RSU1: variants seen among roughly 807,000 people sequenced by gnomAD.
The protein encoded by RSU1 is Ras suppressor protein 1.
In RSU1, 26 loss-of-function variants were observed where a neutral mutation model predicts 31.1. The ratio of observed to expected loss-of-function variants is 0.84; its 90% confidence interval spans 0.61 to 1.16. The LOEUF (loss-of-function observed/expected upper bound fraction) is 1.16. Among genes scored for constraint, RSU1 ranks in the 50% most tolerant of loss-of-function variants. RSU1 has a pLI of 0.00. For missense variants in RSU1, 320 were observed against 339.1 expected, an observed-to-expected ratio of 0.94 and a Z score of 0.44; for synonymous variants, 164 against 136.3, an observed-to-expected ratio of 1.20 and a Z score of -1.41.
intron 3 of RSU1, among the ~76,000 whole-genome samples, chr10:16,776,794 T>C (rs539622871): frequency 6.9e-6 from 1 of 144,894 alleles, no homozygotes; most frequent in South Asian, 2.1e-4. Context: ...TCAACACACA[T>C]GGGTCACAAA....
At chr10:16,683,905 T>G (rs958399654) in intron 8 of RSU1, among the ~76,000 whole-genome samples, 5 of 152,240 alleles carry the variant, frequency 3.3e-5, no homozygotes, top group African/African-American at 1.2e-4. Flanking sequence ...TAGGTAAATT[T>G]AAACATTTTC....
At chr10:16,727,131 G>A (rs1836414582) in intron 7 of RSU1, 1 of 456,558 alleles carries the variant, frequency 2.2e-6, no homozygotes, top group Non-Finnish European at 4.4e-6. Context: ...CTACCACAAG[G>A]GAACAGGATG....
chr10:16,800,586 A>C (rs1838133532), intron 2 of RSU1, among the ~76,000 whole-genome samples: 1 of 152,246 alleles, frequency 6.6e-6, no homozygotes, highest in African/African-American at 2.4e-5. Context: ...ATATCTAAGA[A>C]CAATGGGATA....
chr10:16,731,824 A>G (rs1186635413), intron 7 of RSU1, among the ~76,000 whole-genome samples: 1 of 148,650 alleles, frequency 6.7e-6, no homozygotes, highest in Non-Finnish European at 1.5e-5. Context: ...TTTTTTTTCT[A>G]CTGAGGTATA....
At chr10:16,629,931 T>C (rs553565014) in intron 8 of RSU1, among the ~76,000 whole-genome samples, 4 of 152,300 alleles carry the variant, frequency 2.6e-5, no homozygotes, top group African/African-American at 9.6e-5. Flanking sequence ...TTTATACTGT[T>C]ATAACAGCCA....
rs1393352963 is a variant in RSU1, at chr10:16,808,483, AAG to A, written c.109+8488_109+8489del. ...GGGCAACAAGAGTGAAACTCCATTT[AAG>A]AAAAAAAAAAAAAAAAAAAAACAAA... is the stretch of plus-strand genomic sequence containing the variant. On this transcript the variant is annotated intron_variant, in intron 2 of 8. Transcript: ENST00000345264. Among the ~76,000 whole-genome samples the A allele has an allele frequency of 3.8e-4, 38 of 100,402 alleles. No individual in the cohort carries two copies. The South Asian group carries it at 0.012, about 31-fold the overall frequency. The allele number at this position is 100,402 out of a possible 152,430, so 65.9% of individuals were successfully genotyped here.
chr10:16,753,608 C>T (rs527917119), intron 5 of RSU1, among the ~76,000 whole-genome samples: 1 of 152,128 alleles, frequency 6.6e-6, no homozygotes, highest in African/African-American at 2.4e-5. Flanking sequence ...ATGAAGTTAA[C>T]AGAGTAAATC....
chr10:16,762,048 C>T (rs1293264692), intron 4 of RSU1, among the ~76,000 whole-genome samples: 1 of 152,052 alleles, frequency 6.6e-6, no homozygotes, highest in African/African-American at 2.4e-5. Flanking sequence ...CCACAACCGC[C>T]AGCATATCTG....
chr10:16,691,677 G>T (rs1835553603), intron 8 of RSU1, among the ~76,000 whole-genome samples: 1 of 149,788 alleles, frequency 6.7e-6, no homozygotes, highest in African/African-American at 2.5e-5. Flanking sequence ...TGGTCCCCGT[G>T]GAAAGGAGGC....
chr10:16,714,014 G>C (rs898550547), intron 7 of RSU1, among the ~76,000 whole-genome samples: 1 of 152,174 alleles, frequency 6.6e-6, no homozygotes, highest in Admixed American at 6.5e-5. Flanking sequence ...GGTGGTCGTA[G>C]TGTGTGGTTT....
At position 16,782,028 on chromosome 10, in the gene RSU1, A is replaced by G; in HGVS notation, c.160+6T>C. On this transcript the variant is annotated splice_donor_region_variant and intron_variant, in intron 3 of 8. Coordinates refer to ENST00000345264, the MANE Select transcript of RSU1 (RefSeq NM_012425.4). ...GAAACTGTAACAAATGAGAAACATC[A>G]CTTACTTGTTAGCTTGTTATGGCTG... The G allele has an allele frequency of 6.2e-7, 1 of 1,612,104 alleles. No homozygotes were observed. The highest frequency in any genetic ancestry group is 8.5e-7 in the Non-Finnish European group (1 of 1,178,532).
chr10:16,652,559 AACACACAC>A (rs754335619), intron 8 of RSU1, among the ~76,000 whole-genome samples: 1 of 151,184 alleles, frequency 6.6e-6, no homozygotes, highest in Non-Finnish European at 1.5e-5. Context: ...TATACACACA[AACACACAC>A]ACACACACGG....
intron 8 of RSU1, among the ~76,000 whole-genome samples, chr10:16,670,308 A>G (rs1835082891): frequency 6.6e-6 from 1 of 152,212 alleles, no homozygotes; most frequent in African/African-American, 2.4e-5. Flanking sequence ...CGTACATGCT[A>G]AAGACCCCTT....
intron 8 of RSU1, among the ~76,000 whole-genome samples, chr10:16,619,129 G>A (rs1282024032): frequency 5.9e-5 from 9 of 152,178 alleles, no homozygotes; most frequent in African/African-American, 1.7e-4. Flanking sequence ...CTCAAAACAC[G>A]TCTACTATGA....
intron 8 of RSU1, among the ~76,000 whole-genome samples, chr10:16,613,200 G>A (rs955333545): frequency 6.6e-6 from 1 of 152,128 alleles, no homozygotes; most frequent in African/African-American, 2.4e-5. Flanking sequence ...GGCAAAGCTG[G>A]AACTCTTCCA....
chr10:16,800,608 C>T (rs568151733), intron 2 of RSU1, among the ~76,000 whole-genome samples: 4 of 152,130 alleles, frequency 2.6e-5, no homozygotes, highest in South Asian at 2.1e-4. Context: ...TTACAAAAGG[C>T]GTAACAGGCA....
chr10:16,715,875 T>G (rs2131584447), intron 7 of RSU1, among the ~76,000 whole-genome samples: 1 of 152,358 alleles, frequency 6.6e-6, no homozygotes, highest in Middle Eastern at 3.4e-3. Flanking sequence ...GCATTAAATC[T>G]ACAGATTGCT....
At chr10:16,672,461 G>A (rs2131539760) in intron 8 of RSU1, among the ~76,000 whole-genome samples, 1 of 152,262 alleles carries the variant, frequency 6.6e-6, no homozygotes, top group Admixed American at 6.5e-5. Context: ...CTGGAAATAA[G>A]CCTAACGTCC....
intron 7 of RSU1, among the ~76,000 whole-genome samples, chr10:16,703,852 G>T (rs1052792162): frequency 1.3e-5 from 2 of 152,194 alleles, no homozygotes; most frequent in Non-Finnish European, 2.9e-5. Context: ...ATTTTTGGAT[G>T]ACAGATCATA....
Sources: gnomAD v4.1 joint callset for allele counts (sites outside exome capture counted in the v4.1 genomes callset) on GRCh38, gnomAD v4.1.1 for gene constraint, MANE v1.5 for transcripts, NCBI Gene and HGNC (gene_info 2026-07-23, HGNC 2026-07-21) for gene names.